Variants in MTPAP observed in about 807,000 individuals in gnomAD.
MTPAP encodes poly(A) RNA polymerase, mitochondrial.
MTPAP carries 23 observed loss-of-function variants against 48.7 expected under a neutral mutation model. The ratio of observed to expected loss-of-function variants is 0.47; its 90% CI spans 0.34 to 0.67. MTPAP has a LOEUF of 0.67. Among genes scored for constraint, MTPAP ranks in the 30% least tolerant of loss-of-function variants. The pLI, the probability that MTPAP is intolerant of heterozygous loss-of-function variation, is 0.01. For missense variants in MTPAP, 614 were observed against 694.3 expected (o/e 0.88, Z 1.30); for synonymous variants, 257 against 254.1 (o/e 1.01, Z -0.11).
intron 4 of MTPAP, among the ~76,000 whole-genome samples, chr10:30,330,017 T>G (rs1270670634): frequency 6.6e-5 from 10 of 152,082 alleles, no homozygotes; most frequent in Admixed American, 3.9e-4. Context: ...ATCCAGAATA[T>G]ATTAAATTAT....
intron 1 of MTPAP, among the ~76,000 whole-genome samples, chr10:30,345,540 C>T (rs763134110): frequency 1.3e-5 from 2 of 151,932 alleles, no homozygotes; most frequent in South Asian, 2.1e-4. Flanking sequence ...AATCTAAAGC[C>T]GTAAACAACA....
At chr10:30,318,049 G>A (rs998378236) in intron 6 of MTPAP, among the ~76,000 whole-genome samples, 1 of 152,116 alleles carries the variant, frequency 6.6e-6, no homozygotes, top group African/African-American at 2.4e-5. Flanking sequence ...GTTAGAGACA[G>A]GGTTTCACTA....
chr10:30,315,856 A>G lies in MTPAP; in HGVS notation c.1386+107T>C, dbSNP rs77572290. 0.012 allele frequency: 14,377 copies of G among 1,243,650 alleles called. 1,234 individuals are homozygous for G. The African/African-American group carries it at 0.19, about 17-fold the overall frequency. 77.0% of individuals were successfully genotyped at this position (1,243,650 alleles called of 1,614,324 possible). ...CCTCCTTGTTACTACAAATTACTAC[A>G]CAAAAGAAATAAATAACATTTATTA... On this transcript the variant is annotated intron_variant, in intron 8 of 8. Coordinates refer to ENST00000263063, the MANE Select transcript of MTPAP (RefSeq NM_018109.4).
chr10:30,315,125 G>A (rs1298596185), intron 8 of MTPAP, among the ~76,000 whole-genome samples: 3 of 152,050 alleles, frequency 2.0e-5, no homozygotes, highest in Admixed American at 6.6e-5. Flanking sequence ...AAAAGGTGAC[G>A]AACTTTGTAT....
chr10:30,316,619 G>C (rs1230875568), intron 6 of MTPAP, among the ~76,000 whole-genome samples: 2 of 151,548 alleles, frequency 1.3e-5, no homozygotes, highest in African/African-American at 4.8e-5. Flanking sequence ...GCCAGGCGCG[G>C]TGGCTCACAC....
chr10:30,342,630 A>T lies in MTPAP; in HGVS notation c.158-990T>A, dbSNP rs543929299. Among the ~76,000 whole-genome samples the T allele has an allele frequency of 3.9e-5, 6 of 152,306 alleles. No individual in the cohort carries two copies. The South Asian group carries it at 1.2e-3, about 32-fold the overall frequency. On this transcript the variant is annotated intron_variant, in intron 1 of 8. Transcript: ENST00000263063. ...CACACAAAATTGTGCAAATTGTAAC[A>T]TTCCAAAGCCTAAAAGAAATTATTA... is the stretch of plus-strand genomic sequence containing the variant.
intron 8 of MTPAP, 116 bp downstream of exon 8, chr10:30,315,847 A>G (rs746368195): frequency 9.6e-5 from 114 of 1,187,370 alleles, no homozygotes; most frequent in Non-Finnish European, 1.3e-4. Flanking sequence ...TGTTACTACA[A>G]ATTACTACAC....
chr10:30,326,968 C>T (rs530451823), intron 4 of MTPAP, among the ~76,000 whole-genome samples: 1 of 152,298 alleles, frequency 6.6e-6, no homozygotes, highest in Non-Finnish European at 1.5e-5. Context: ...TGAACATATA[C>T]TTGCCCCTTC....
At chr10:30,339,993 T>C in intron 3 of MTPAP, 2 of 546,254 alleles carry the variant, frequency 3.7e-6, no homozygotes, top group Non-Finnish European at 3.3e-6. Context: ...ACTCAACATC[T>C]ACTCAATGTG....
At chr10:30,320,995 C>CCA (rs1328088496) in intron 6 of MTPAP, among the ~76,000 whole-genome samples, 2 of 152,140 alleles carry the variant, frequency 1.3e-5, no homozygotes, top group Admixed American at 1.3e-4. Context: ...CTGCCCATAT[C>CCA]TTATGTATGG....
Position 30,337,004 on chromosome 10 carries a change from G to T in MTPAP, c.579C>A (p.Leu193=), listed in dbSNP as rs540519544. Residue 193 remains leucine (L), a synonymous_variant, in exon 4 of 9, where the codon CTC becomes CTA. Coordinates refer to ENST00000263063, the MANE Select transcript of MTPAP (RefSeq NM_018109.4). ...CCTCTGTTAGCTGGAACTCCTTCAA[G>T]AGAGTGTTCAGCTGATCGTCTATCT... The part of the protein sequence containing the change: ...AESIDDQLNT[L]LKEFQLTEEN... 1.2e-6 allele frequency: 2 copies of T among 1,613,150 alleles called. No homozygotes were observed. Among genetic ancestry groups the T allele is most frequent in the Non-Finnish European group, 8.5e-7 (1 of 1,179,866 alleles).
At chr10:30,315,502 C>CAAAA (rs72362075) in intron 8 of MTPAP, among the ~76,000 whole-genome samples, 5 of 127,190 alleles carry the variant, frequency 3.9e-5, no homozygotes, top group East Asian at 2.1e-4. Flanking sequence ...TTCATTTGCT[C>CAAAA]AAAAAAAAAA....
In MTPAP at chr10:30,329,846, A is replaced by G. The variant is rs1369174502; in HGVS notation, c.781-3211T>C. ...AAATAAATTATGGTACATCCATTCA[A>G]TGGAGTATTTTGCGGCCACTGAGGG... is the stretch of plus-strand genomic sequence containing the variant. On this transcript the variant is annotated intron_variant, in intron 4 of 8. Coordinates refer to ENST00000263063, the MANE Select transcript of MTPAP (RefSeq NM_018109.4). Among the ~76,000 whole-genome samples the G allele has an allele frequency of 2.0e-5, 3 of 152,136 alleles. 1 individual carries two copies. The highest frequency in any genetic ancestry group is 4.1e-4 in the South Asian group (2 of 4,828).
chr10:30,346,519 A>T (rs1323328843), intron 1 of MTPAP, among the ~76,000 whole-genome samples: 4 of 152,218 alleles, frequency 2.6e-5, no homozygotes. Context: ...ATAGTTTTCC[A>T]AGCACTGTCA....
chr10:30,317,009 A>G (rs1270382605), intron 6 of MTPAP, among the ~76,000 whole-genome samples: 1 of 152,260 alleles, frequency 6.6e-6, no homozygotes, highest in Non-Finnish European at 1.5e-5. Flanking sequence ...GATTTAATCT[A>G]TAATTTCTTG....
chr10:30,338,731 CTTA>C (rs1564523235), intron 3 of MTPAP, among the ~76,000 whole-genome samples: 1 of 152,028 alleles, frequency 6.6e-6, no homozygotes, highest in South Asian at 2.1e-4. Flanking sequence ...CAAAAATTTT[CTTA>C]TTAGAAAATT....
intron 1 of MTPAP, among the ~76,000 whole-genome samples, chr10:30,341,970 G>A (rs1022658508): frequency 6.6e-6 from 1 of 152,152 alleles, no homozygotes; most frequent in Non-Finnish European, 1.5e-5. Context: ...CGGGCTTGGT[G>A]GCTCATGCCT....
At position 30,313,874 on chromosome 10, in the gene MTPAP, A is replaced by C. The variant is rs1356166646; in HGVS notation, c.1484T>G (p.Leu495Arg). 8.1e-6 allele frequency: 13 copies of C among 1,614,090 alleles called. No individual in the cohort carries two copies. The Admixed American group carries it at 1.3e-4, about 17-fold the overall frequency. ...NISKNVSQSQ[L>R]QKFVDLARES... ...TCGGGCCAAATCTACAAATTTTTGC[A>C]GCTGGCTTTGACTTACATTTTTGCT... The change falls in exon 9 of 9, where the codon CTG (leucine) becomes CGG (arginine). Residue 495 changes from leucine (L) to arginine (R), a missense_variant. Physicochemically the swap from Leu to Arg is moderately radical, Grantham distance 102. Transcript: ENST00000263063.
intron 4 of MTPAP, among the ~76,000 whole-genome samples, chr10:30,327,665 G>A (rs1369089306): frequency 6.6e-6 from 1 of 151,880 alleles, no homozygotes; most frequent in Non-Finnish European, 1.5e-5. Context: ...GGCCAACATG[G>A]TGAAACCCCG....
Sources: gnomAD v4.1 joint callset for allele counts (sites outside exome capture counted in the v4.1 genomes callset) on GRCh38, gnomAD v4.1.1 for gene constraint, MANE v1.5 for transcripts, NCBI Gene and HGNC (gene_info 2026-07-23, HGNC 2026-07-21) for gene names.